MAGI1: variants seen among roughly 807,000 people sequenced by gnomAD.
MAGI1 encodes the protein membrane associated guanylate kinase, WW and PDZ domain containing 1, also known as membrane-associated guanylate kinase, WW and PDZ domain-containing protein 1.
MAGI1 carries 58 observed loss-of-function variants against 139.9 expected under a neutral mutation model. The observed-to-expected ratio is 0.41, with a 90% CI of 0.34 to 0.52. MAGI1 has a LOEUF of 0.52. Ranked by LOEUF, MAGI1 falls within the 20% of genes least tolerant of loss-of-function variation. MAGI1 has a pLI of 0.12. For missense variants in MAGI1, 1,874 were observed against 1,901.6 expected (o/e 0.99, Z 0.27); for synonymous variants, 812 against 737.9 (o/e 1.10, Z -1.63).
intron 1 of MAGI1, among the ~76,000 whole-genome samples, chr3:66,026,676 G>A (rs2107576878): frequency 6.6e-6 from 1 of 151,878 alleles, no homozygotes; most frequent in Middle Eastern, 3.4e-3. Context: ...GATAGAGAGA[G>A]GGCACACGGG....
chr3:65,792,711 C>T (rs758228709), intron 1 of MAGI1, among the ~76,000 whole-genome samples: 4 of 152,038 alleles, frequency 2.6e-5, no homozygotes, highest in African/African-American at 9.7e-5. Context: ...GGAGGATTCA[C>T]GTTCCAGGGA....
chr3:65,723,102 G>C (rs1297444052), intron 1 of MAGI1, among the ~76,000 whole-genome samples: 1 of 152,130 alleles, frequency 6.6e-6, no homozygotes, highest in Non-Finnish European at 1.5e-5. Flanking sequence ...AAAGATGTCA[G>C]GAAGGCGCAA....
intron 1 of MAGI1, among the ~76,000 whole-genome samples, chr3:65,997,654 T>A (rs1351928249): frequency 6.6e-6 from 1 of 151,732 alleles, no homozygotes; most frequent in African/African-American, 2.4e-5. Context: ...AGACTCCGTC[T>A]CAAAAAGAAA....
chr3:65,661,799 G>A (rs1244520405), intron 1 of MAGI1, among the ~76,000 whole-genome samples: 1 of 131,192 alleles, frequency 7.6e-6, no homozygotes, highest in African/African-American at 2.9e-5. Context: ...CCAGACTGGA[G>A]TGCAGTGGCG....
intron 10 of MAGI1, among the ~76,000 whole-genome samples, chr3:65,435,402 CTTTAA>C (rs1398292678): frequency 6.6e-6 from 1 of 152,028 alleles, no homozygotes; most frequent in Non-Finnish European, 1.5e-5. Context: ...ACCTTTACAG[CTTTAA>C]TTTATTTAAT....
chr3:65,739,180 C>T (rs1434831262), intron 1 of MAGI1, among the ~76,000 whole-genome samples: 1 of 152,242 alleles, frequency 6.6e-6, no homozygotes, highest in Non-Finnish European at 1.5e-5. Context: ...TACAATAGTA[C>T]TTGCTGCTGC....
chr3:65,358,547 C>A (rs971795730), intron 22 of MAGI1, among the ~76,000 whole-genome samples: 13 of 152,192 alleles, frequency 8.5e-5, no homozygotes, highest in South Asian at 6.2e-4. Context: ...TTGGGCCACA[C>A]CATCTCTGTT....
At chr3:65,746,316 G>A (rs907545972) in intron 1 of MAGI1, among the ~76,000 whole-genome samples, 3 of 152,178 alleles carry the variant, frequency 2.0e-5, no homozygotes, top group Non-Finnish European at 4.4e-5. Flanking sequence ...TTACAGGTGT[G>A]AGCCACCACG....
intron 1 of MAGI1, among the ~76,000 whole-genome samples, chr3:65,836,074 C>A (rs1284241760): frequency 6.6e-6 from 1 of 152,126 alleles, no homozygotes; most frequent in Non-Finnish European, 1.5e-5. Context: ...CCACATTTCC[C>A]AAGGGGCACA....
chr3:65,856,650 A>G, intron 1 of MAGI1, among the ~76,000 whole-genome samples: 1 of 152,340 alleles, frequency 6.6e-6, no homozygotes, highest in South Asian at 2.1e-4. Context: ...ATCTCAGATG[A>G]ACAAGTAAGG....
At chr3:65,923,416 G>A (rs1011092826) in intron 1 of MAGI1, among the ~76,000 whole-genome samples, 6 of 151,754 alleles carry the variant, frequency 4.0e-5, no homozygotes, top group African/African-American at 1.5e-4. Context: ...TAGTAGAGAT[G>A]GGGTTTCACC....
Position 65,968,003 on chromosome 3 carries a change from A to G in MAGI1, c.313+69993T>C, listed in dbSNP as rs184829126. Among the ~76,000 whole-genome samples, 155 of 152,308 alleles carry G rather than the reference A, an allele frequency of 1.0e-3. 2 individuals are homozygous for G. The highest frequency in any genetic ancestry group is 1.8e-3 in the Non-Finnish European group (122 of 68,034). ...TATGTCTTTCACAAATGCTCCTATG[A>G]CTGGTGCTGTACGGAATGTAATGAG... On this transcript the variant is annotated intron_variant, in intron 1 of 22. Transcript: ENST00000402939.
Position 65,357,111 on chromosome 3 carries a change from C to T in MAGI1, c.3656G>A (p.Gly1219Asp), listed in dbSNP as rs1482990432. Residue 1219 changes from glycine (G) to aspartate (D), a missense_variant, in exon 23 of 23, where the codon GGC (glycine) becomes GAC (aspartate). Physicochemically the swap from Gly to Asp is moderately conservative, Grantham distance 94 (BLOSUM62 -1). Around this residue, in one of 5 missense-constraint regions of MAGI1, gnomAD observed 653 missense variants for 644.5 expected, o/e 1.01. Transcript: ENST00000402939. The part of the protein sequence containing the change: ...PEYDPSSDRH[G>D]PATGPQGVPE... ...AACACCTTGTGGACCGGTGGCGGGGCCGTGGCGGTCGCTGCTGGGGTCTGC... is the reference window on the plus strand; with the variant it reads ...AACACCTTGTGGACCGGTGGCGGGGTCGTGGCGGTCGCTGCTGGGGTCTGC... 6.2e-7 allele frequency: 1 copy of T among 1,611,978 alleles called. No homozygotes were observed. Among genetic ancestry groups the T allele is most frequent in the Non-Finnish European group, 8.5e-7 (1 of 1,178,748 alleles).
intron 3 of MAGI1, among the ~76,000 whole-genome samples, chr3:65,479,302 T>G (rs1359700800): frequency 1.3e-5 from 2 of 152,160 alleles, no homozygotes; most frequent in Admixed American, 1.3e-4. Context: ...GTGGCGCCTC[T>G]TTAGCTGAAT....
rs2063660166 is a variant in MAGI1, at chr3:65,948,767, T to A, written c.313+89229A>T. 2.0e-5 allele frequency among the ~76,000 whole-genome samples: 3 copies of A among 152,184 alleles called. No homozygotes were observed. In the South Asian group the frequency reaches 6.2e-4, roughly 32 times the overall value. On this transcript the variant is annotated intron_variant, in intron 1 of 22. Transcript: ENST00000402939. ...TTAAAAAGCTATATATGCCAAGAAA[T>A]AATATTTAAGCAACTGTTAAAATCT...
At position 65,653,226 on chromosome 3, in the gene MAGI1, C is replaced by G. The variant is rs537220004; in HGVS notation, c.314-31138G>C. Among the ~76,000 whole-genome samples, 5 of 152,306 alleles carry G rather than the reference C, an allele frequency of 3.3e-5. No homozygotes were observed. In the South Asian group the frequency reaches 1.0e-3, roughly 32 times the overall value. The stretch of plus-strand genomic sequence containing the variant: ...ACAACATATCAACTGCCCAGTTCTT[C>G]TAATTCCACCTCCTGTACAGCTCTT... On this transcript the variant is annotated intron_variant, in intron 1 of 22. Transcript: ENST00000402939.
chr3:65,918,203 T>G (rs764111635), intron 1 of MAGI1, among the ~76,000 whole-genome samples: 1 of 152,148 alleles, frequency 6.6e-6, no homozygotes, highest in Non-Finnish European at 1.5e-5. Flanking sequence ...TCAGTAAACA[T>G]GAATTCCTAT....
chr3:65,554,326 ATT>A (rs1416675224), intron 2 of MAGI1, among the ~76,000 whole-genome samples: 1 of 152,220 alleles, frequency 6.6e-6, no homozygotes, highest in Non-Finnish European at 1.5e-5. Flanking sequence ...ACTAGAGAAG[ATT>A]TGAGTAAAGT....
At chr3:65,676,804 G>C (rs982538006) in intron 1 of MAGI1, among the ~76,000 whole-genome samples, 3 of 152,144 alleles carry the variant, frequency 2.0e-5, no homozygotes, top group Non-Finnish European at 4.4e-5. Context: ...CTTTGAATCT[G>C]TCAATGAATC....
Sources: allele counts gnomAD v4.1 joint callset (sites outside exome capture counted in the v4.1 genomes callset), GRCh38; gene constraint gnomAD v4.1.1; regional missense constraint gnomAD v4.1.1; transcripts MANE v1.5; gene names NCBI Gene and HGNC (gene_info 2026-07-23, HGNC 2026-07-21).